Variants in CSMD1 observed in about 807,000 individuals in gnomAD.
CSMD1 encodes CUB and Sushi multiple domains 1.
Under a neutral mutation model 417.5 loss-of-function variants are expected in CSMD1, and 213 were observed. That is an observed-to-expected ratio of 0.51 (90% confidence interval 0.46 to 0.57). CSMD1 has a LOEUF of 0.57. Ranked by LOEUF, CSMD1 falls within the 20% of genes least tolerant of loss-of-function variation. The probability of loss-of-function intolerance (pLI) is 0.00; values close to 1 mark genes in which losing one functional copy is unlikely to be tolerated. For synonymous variants in CSMD1, 2,862 were observed against 1,736.8 expected (o/e 1.65, Z -16.11); for missense variants, 6,923 against 4,529.7 (o/e 1.53, Z -15.17).
chr8:3,063,856 G>C (rs1032012111), intron 49 of CSMD1, among the ~76,000 whole-genome samples: 1 of 152,176 alleles, frequency 6.6e-6, no homozygotes, highest in Non-Finnish European at 1.5e-5. Context: ...TATGTGCAGA[G>C]TTTCAGTTTT....
chr8:4,529,730 A>G lies in CSMD1; in HGVS notation c.302+107612T>C, dbSNP rs367953891. On this transcript the variant is annotated intron_variant, in intron 2 of 69. Transcript: ENST00000635120. ...GTGGCAATCCTACTATGGGGTTCTTACAAATTTTTCAGACTATAAAGCGGT... is the reference window on the plus strand; with the variant it reads ...GTGGCAATCCTACTATGGGGTTCTTGCAAATTTTTCAGACTATAAAGCGGT... Among the ~76,000 whole-genome samples the G allele has an allele frequency of 2.6e-5, 4 of 152,238 alleles. No homozygotes were observed. In the East Asian group the frequency reaches 7.7e-4, roughly 29 times the overall value.
intron 5 of CSMD1, among the ~76,000 whole-genome samples, chr8:3,911,714 C>T (rs946046316): frequency 2.0e-5 from 3 of 152,124 alleles, no homozygotes; most frequent in Non-Finnish European, 2.9e-5. Flanking sequence ...GCCTATCAAA[C>T]TCCAGAACTT....
At position 4,568,234 on chromosome 8, in the gene CSMD1, C is replaced by T. The variant is rs76411097; in HGVS notation, c.302+69108G>A. Among the ~76,000 whole-genome samples, 562 of 152,210 alleles carry T rather than the reference C, an allele frequency of 3.7e-3. 2 individuals are homozygous for T. Among genetic ancestry groups the T allele is most frequent in the African/African-American group, 0.013 (530 of 41,546 alleles). ...TACATGTTTACTGCACCCAACAACACATCATTTACATTAGGGATTTCCCCT... is the reference window on the plus strand; with the variant it reads ...TACATGTTTACTGCACCCAACAACATATCATTTACATTAGGGATTTCCCCT... On this transcript the variant is annotated intron_variant, in intron 2 of 69. Coordinates refer to ENST00000635120, the MANE Select transcript of CSMD1 (RefSeq NM_033225.6).
chr8:3,752,676 C>CGA (rs1797409017), intron 6 of CSMD1, among the ~76,000 whole-genome samples: 1 of 96,942 alleles, frequency 1.0e-5, no homozygotes, highest in East Asian at 3.7e-4. Context: ...CCCCGCCTGG[C>CGA]AAAAAAAAAA....
At chr8:4,466,150 A>G (rs2129997669) in intron 2 of CSMD1, among the ~76,000 whole-genome samples, 1 of 152,228 alleles carries the variant, frequency 6.6e-6, no homozygotes, top group Admixed American at 6.5e-5. Context: ...AAATATTGTG[A>G]GAGAGTCTTA....
At chr8:4,042,416 A>G (rs1012680653) in intron 3 of CSMD1, among the ~76,000 whole-genome samples, 1 of 152,296 alleles carries the variant, frequency 6.6e-6, no homozygotes, top group South Asian at 2.1e-4. Context: ...ACGAATAAGC[A>G]AAACAACCAT....
intron 3 of CSMD1, among the ~76,000 whole-genome samples, chr8:4,155,390 A>G (rs894255231): frequency 6.6e-6 from 1 of 152,194 alleles, no homozygotes; most frequent in East Asian, 1.9e-4. Context: ...TGTAGATCAC[A>G]TTCCTTTTAC....
chr8:3,852,819 T>C (rs1804008864), intron 5 of CSMD1, among the ~76,000 whole-genome samples: 1 of 152,154 alleles, frequency 6.6e-6, no homozygotes, highest in South Asian at 2.1e-4. Flanking sequence ...TCAACAATTC[T>C]CCGCTTTCTG....
intron 68 of CSMD1, among the ~76,000 whole-genome samples, chr8:2,947,545 T>C (rs1248250245): frequency 1.3e-5 from 2 of 152,210 alleles, no homozygotes; most frequent in Admixed American, 1.3e-4. Context: ...GCTGTTATTT[T>C]GTTAGATTAA....
At chr8:4,850,885 G>A (rs1269971828) in intron 1 of CSMD1, among the ~76,000 whole-genome samples, 1 of 151,790 alleles carries the variant, frequency 6.6e-6, no homozygotes, top group Non-Finnish European at 1.5e-5. Context: ...GAACCTTTAT[G>A]CATTGAAGAT....
intron 26 of CSMD1, among the ~76,000 whole-genome samples, chr8:3,273,555 C>G (rs944038777): frequency 6.6e-6 from 1 of 152,174 alleles, no homozygotes; most frequent in East Asian, 1.9e-4. Flanking sequence ...GTGAGTCCAT[C>G]TGGTCCTGCA....
intron 26 of CSMD1, chr8:3,278,751 T>G (rs1388874650): frequency 6.6e-6 from 1 of 152,078 alleles, no homozygotes; most frequent in African/African-American, 2.4e-5. Flanking sequence ...GATGGCTTCT[T>G]GGGTGTGATG....
intron 1 of CSMD1, among the ~76,000 whole-genome samples, chr8:4,680,638 G>A (rs1805979441): frequency 6.6e-6 from 1 of 152,086 alleles, no homozygotes; most frequent in Non-Finnish European, 1.5e-5. Context: ...GGAGTGCAGT[G>A]GCATGATCTT....
At chr8:4,153,455 G>A (rs957164043) in intron 3 of CSMD1, among the ~76,000 whole-genome samples, 2 of 152,190 alleles carry the variant, frequency 1.3e-5, no homozygotes, top group Non-Finnish European at 2.9e-5. Context: ...ATGAGCCAGT[G>A]GATAAGGTTC....
At chr8:3,423,191 G>A (rs928722439) in intron 12 of CSMD1, among the ~76,000 whole-genome samples, 7 of 152,098 alleles carry the variant, frequency 4.6e-5, no homozygotes, top group Admixed American at 2.0e-4. Flanking sequence ...ATTTTACCAC[G>A]TCTAAATGAA....
chr8:4,380,516 G>T (rs766214066), intron 3 of CSMD1, among the ~76,000 whole-genome samples: 4 of 152,192 alleles, frequency 2.6e-5, no homozygotes, highest in Non-Finnish European at 4.4e-5. Flanking sequence ...CACAGCCAAG[G>T]GGAGCCCAAG....
intron 7 of CSMD1, among the ~76,000 whole-genome samples, chr8:3,683,978 A>C (rs892665460): frequency 6.6e-6 from 1 of 151,820 alleles, no homozygotes; most frequent in Admixed American, 6.6e-5. Flanking sequence ...GTGATTGAGA[A>C]GTATGAAGTA....
At chr8:4,263,998 A>T (rs17069778) in intron 3 of CSMD1, among the ~76,000 whole-genome samples, 14,400 of 152,212 alleles carry the variant, frequency 0.095, 893 homozygotes, top group African/African-American at 0.16. Context: ...ATGTCTTAGA[A>T]GTAAATCAGA....
intron 3 of CSMD1, among the ~76,000 whole-genome samples, chr8:4,297,539 T>C (rs1797752790): frequency 6.6e-6 from 1 of 152,200 alleles, no homozygotes; most frequent in Admixed American, 6.5e-5. Context: ...ACCCCTCACA[T>C]ATGATCAATT....
Sources: allele counts gnomAD v4.1 joint callset (sites outside exome capture counted in the v4.1 genomes callset), GRCh38; gene constraint gnomAD v4.1.1; transcripts MANE v1.5; gene names NCBI Gene and HGNC (gene_info 2026-07-23, HGNC 2026-07-21).